The following CCDC171 variants were observed in gnomAD, a reference collection of about 807,000 sequenced individuals.
CCDC171 encodes the protein coiled-coil domain containing 171, also known as coiled-coil domain-containing protein 171.
A neutral mutation model predicts 168.2 loss-of-function variants in CCDC171; 177 were observed. The observed-to-expected ratio is 1.05, with a 90% CI of 0.93 to 1.19. The LOEUF is 1.19. Ranked by LOEUF, CCDC171 falls within the 50% of genes most tolerant of loss-of-function variation. The pLI, the probability that CCDC171 is intolerant of heterozygous loss-of-function variation, is 0.00. For missense variants in CCDC171, 1,991 were observed against 1,539.0 expected, an observed-to-expected ratio of 1.29 and a Z score of -4.91; for synonymous variants, 687 against 540.8, an observed-to-expected ratio of 1.27 and a Z score of -3.75.
intron 21 of CCDC171, among the ~76,000 whole-genome samples, chr9:15,809,737 C>T (rs186986198): frequency 1.7e-4 from 26 of 152,218 alleles, no homozygotes; most frequent in Non-Finnish European, 3.1e-4. Context: ...AGTGCGGACC[C>T]AAAGAGTGAG....
chr9:15,807,765 C>G (rs546959639), intron 21 of CCDC171, among the ~76,000 whole-genome samples: 1 of 151,792 alleles, frequency 6.6e-6, no homozygotes, highest in East Asian at 1.9e-4. Flanking sequence ...CTCTCCAGAA[C>G]TCTGTACTAT....
At position 15,734,671 on chromosome 9, in the gene CCDC171, GTTA is replaced by G. The variant is rs950415335; in HGVS notation, c.2049+4878_2049+4880del. 7.0e-4 allele frequency among the ~76,000 whole-genome samples: 107 copies of G among 152,024 alleles called. 1 individual carries two copies. Among genetic ancestry groups the G allele is most frequent in the African/African-American group, 2.4e-3 (98 of 41,392 alleles). On this transcript the variant is annotated intron_variant, in intron 16 of 25. Coordinates refer to ENST00000380701, the MANE Select transcript of CCDC171 (RefSeq NM_173550.4). ...ATTTTGGTATTATGTTTGATAAACT[GTTA>G]TTATAATACATATTATAGGACCTGT...
chr9:15,663,006 A>G (rs1163573578), intron 8 of CCDC171, among the ~76,000 whole-genome samples: 1 of 152,046 alleles, frequency 6.6e-6, no homozygotes, highest in Non-Finnish European at 1.5e-5. Flanking sequence ...AACAACAACA[A>G]CAACAACAAC....
At chr9:15,626,866 G>C (rs191780941) in intron 7 of CCDC171, among the ~76,000 whole-genome samples, 2 of 152,164 alleles carry the variant, frequency 1.3e-5, no homozygotes, top group East Asian at 1.9e-4. Flanking sequence ...TTTTTCTAAT[G>C]ATTGAAATAG....
At chr9:15,651,662 T>A (rs1417386048) in intron 7 of CCDC171, among the ~76,000 whole-genome samples, 1 of 152,200 alleles carries the variant, frequency 6.6e-6, no homozygotes, top group African/African-American at 2.4e-5. Flanking sequence ...TCCATTCATA[T>A]TGCTGCAAAT....
intron 6 of CCDC171, among the ~76,000 whole-genome samples, chr9:16,024,442 C>A (rs1198866324): frequency 6.6e-6 from 1 of 152,176 alleles, no homozygotes; most frequent in African/African-American, 2.4e-5. Flanking sequence ...GCTGGGCCCC[C>A]TATGAGAGCA....
chr9:15,796,320 A>G (rs2058553533), intron 21 of CCDC171, among the ~76,000 whole-genome samples: 1 of 152,200 alleles, frequency 6.6e-6, no homozygotes, highest in South Asian at 2.1e-4. Context: ...GGATAATAAG[A>G]AATTAAGAGG....
chr9:15,607,737 G>C (rs968908430), intron 6 of CCDC171, among the ~76,000 whole-genome samples: 3 of 152,094 alleles, frequency 2.0e-5, no homozygotes, highest in African/African-American at 7.2e-5. Context: ...TGCTGGTATT[G>C]CAAGTGTGAG....
intron 24 of CCDC171, among the ~76,000 whole-genome samples, chr9:15,900,461 T>C (rs190218580): frequency 6.6e-6 from 1 of 152,240 alleles, no homozygotes; most frequent in Admixed American, 6.5e-5. Context: ...ACTCTGCTTC[T>C]CAGGTGAGAT....
chr9:15,597,576 T>C (rs2131580945), intron 6 of CCDC171, among the ~76,000 whole-genome samples: 1 of 152,320 alleles, frequency 6.6e-6, no homozygotes, highest in South Asian at 2.1e-4. Context: ...TTTGCATTGA[T>C]GTTCATCAGG....
intron 21 of CCDC171, among the ~76,000 whole-genome samples, chr9:15,795,832 A>G (rs1285199634): frequency 6.6e-6 from 1 of 152,230 alleles, no homozygotes; most frequent in South Asian, 2.1e-4. Flanking sequence ...TGCCACACAC[A>G]GGGTCTTAGT....
intron 6 of CCDC171, among the ~76,000 whole-genome samples, chr9:15,613,974 T>C (rs1195320156): frequency 6.6e-6 from 1 of 152,250 alleles, no homozygotes; most frequent in Non-Finnish European, 1.5e-5. Flanking sequence ...AGCTAATGAA[T>C]GGACAGAAGA....
intron 6 of CCDC171, among the ~76,000 whole-genome samples, chr9:15,618,784 C>T (rs1025261330): frequency 1.3e-5 from 2 of 152,030 alleles, no homozygotes; most frequent in African/African-American, 4.8e-5. Context: ...CCTTGCACTT[C>T]CAGGGTGAAG....
intron 18 of CCDC171, among the ~76,000 whole-genome samples, chr9:15,767,252 G>GTA (rs2056772865): frequency 6.6e-6 from 1 of 152,154 alleles, no homozygotes; most frequent in Non-Finnish European, 1.5e-5. Context: ...TGGCAGGGCT[G>GTA]TATTCCTTCC....
chr9:15,913,669 C>A (rs1029886650), intron 24 of CCDC171, among the ~76,000 whole-genome samples: 5 of 152,150 alleles, frequency 3.3e-5, no homozygotes, highest in Non-Finnish European at 5.9e-5. Context: ...CATTTTCCAT[C>A]CAGTTTTGTT....
chr9:16,069,433 G>A, the CCDC171 span, among the ~76,000 whole-genome samples: 1 of 152,248 alleles, frequency 6.6e-6, no homozygotes, highest in South Asian at 2.1e-4. Context: ...GTGTGCACGT[G>A]TGTGTGCGTG....
intron 24 of CCDC171, among the ~76,000 whole-genome samples, chr9:15,898,051 A>G (rs1282438321): frequency 6.6e-6 from 1 of 152,204 alleles, no homozygotes; most frequent in Admixed American, 6.5e-5. Context: ...GTGTAACACC[A>G]ATACACCTAC....
chr9:15,898,791 A>G (rs1160208394), intron 24 of CCDC171, among the ~76,000 whole-genome samples: 5 of 152,214 alleles, frequency 3.3e-5, no homozygotes, highest in East Asian at 1.9e-4. Context: ...CCCCATTGTT[A>G]TATCTTACAT....
intron 21 of CCDC171, among the ~76,000 whole-genome samples, chr9:15,819,956 C>T (rs2136081208): frequency 8.5e-6 from 1 of 117,410 alleles, no homozygotes; most frequent in African/African-American, 3.2e-5. Context: ...CACTCCTCAG[C>T]AAATGTAAAA....
Sources: allele counts gnomAD v4.1 joint callset (sites outside exome capture counted in the v4.1 genomes callset), GRCh38; gene constraint gnomAD v4.1.1; transcripts MANE v1.5; gene names NCBI Gene and HGNC (gene_info 2026-07-23, HGNC 2026-07-21).